NEO1: variants seen among roughly 807,000 people sequenced by gnomAD.
The protein encoded by NEO1 is neogenin 1.
NEO1 carries 63 observed loss-of-function variants against 159.7 expected under a neutral mutation model. The observed-to-expected ratio is 0.39, with a 90% CI of 0.32 to 0.49. The LOEUF (loss-of-function observed/expected upper bound fraction) is 0.49. Among genes scored for constraint, NEO1 ranks in the 20% least tolerant of loss-of-function variants. The probability of loss-of-function intolerance (pLI) is 0.85; values close to 1 mark genes in which losing one functional copy is unlikely to be tolerated. For missense variants in NEO1, 1,615 were observed against 1,831.0 expected, an observed-to-expected ratio of 0.88 and a Z score of 2.15; for synonymous variants, 633 against 662.0, an observed-to-expected ratio of 0.96 and a Z score of 0.67.
chr15:73,208,502 A>T (rs895576105), intron 7 of NEO1, among the ~76,000 whole-genome samples: 2 of 152,144 alleles, frequency 1.3e-5, no homozygotes, highest in African/African-American at 4.8e-5. Context: ...CTTATTTTAA[A>T]CTAAAATCTG....
chr15:73,223,673 T>C (rs1301714516), intron 7 of NEO1, among the ~76,000 whole-genome samples: 1 of 152,212 alleles, frequency 6.6e-6, no homozygotes, highest in Non-Finnish European at 1.5e-5. Context: ...TGAGTCCTTA[T>C]GTGTCAGGTG....
At chr15:73,062,571 GGAAA>G (rs1401749254) in intron 1 of NEO1, among the ~76,000 whole-genome samples, 1 of 152,048 alleles carries the variant, frequency 6.6e-6, no homozygotes, top group Non-Finnish European at 1.5e-5. Flanking sequence ...TCTGTTTTGA[GGAAA>G]GAAAGTTAAA....
chr15:73,211,823 C>T (rs980456014), intron 7 of NEO1, among the ~76,000 whole-genome samples: 3 of 152,214 alleles, frequency 2.0e-5, no homozygotes, highest in Non-Finnish European at 4.4e-5. Context: ...CCCCTTGAGT[C>T]TTTTGGGTCT....
chr15:73,116,742 C>T lies in NEO1; in HGVS notation c.333C>T (p.Ile111=), dbSNP rs1238679306. The part of the protein sequence containing the change: ...RQLLPDGSLF[I]SNVVHSKHNK... The stretch of plus-strand genomic sequence containing the variant: ...TTCTCCCGGATGGATCTTTATTTAT[C>T]AGCAATGTGGTGCATTCCAAACACA... Residue 111 remains isoleucine (I), a synonymous_variant, in exon 2 of 29, where the codon ATC becomes ATT. Coordinates refer to ENST00000261908, the MANE Select transcript of NEO1 (RefSeq NM_002499.4). The T allele has an allele frequency of 6.2e-7, 1 of 1,613,974 alleles. No homozygotes were observed. The highest frequency in any genetic ancestry group is 8.5e-7 in the Non-Finnish European group (1 of 1,179,928).
chr15:73,184,500 T>TA (rs2035804443), intron 7 of NEO1, among the ~76,000 whole-genome samples: 1 of 152,332 alleles, frequency 6.6e-6, no homozygotes, highest in African/African-American at 2.4e-5. Flanking sequence ...GTTGAAAAGT[T>TA]ATGTCCACAC....
At chr15:73,194,931 G>C (rs979636919) in intron 7 of NEO1, among the ~76,000 whole-genome samples, 2 of 152,172 alleles carry the variant, frequency 1.3e-5, no homozygotes, top group South Asian at 4.1e-4. Context: ...TTAATTTTGA[G>C]TTATGCTATA....
At chr15:73,253,360 G>A in intron 11 of NEO1, 40 bp from the exon 12 acceptor site, 1 of 1,380,964 alleles carries the variant, frequency 7.2e-7, no homozygotes, top group Non-Finnish European at 9.9e-7. Context: ...ATGTATGGGT[G>A]ATTAAAAAAA....
intron 7 of NEO1, among the ~76,000 whole-genome samples, chr15:73,201,814 C>T (rs926154290): frequency 5.9e-5 from 9 of 151,876 alleles, no homozygotes; most frequent in African/African-American, 2.2e-4. Context: ...TTATGTAATA[C>T]CTTCCTTTTT....
chr15:73,158,931 T>A (rs1229004655), intron 5 of NEO1, among the ~76,000 whole-genome samples: 1 of 152,188 alleles, frequency 6.6e-6, no homozygotes. Flanking sequence ...CCAGCTTTTT[T>A]GAGGTCTGCA....
At chr15:73,237,729 A>AT (rs201168760) in intron 8 of NEO1, among the ~76,000 whole-genome samples, 3,161 of 152,304 alleles carry the variant, frequency 0.021, 119 homozygotes, top group African/African-American at 0.072. Context: ...AGTTCTATAC[A>AT]TAAAAAAAGG....
intron 8 of NEO1, among the ~76,000 whole-genome samples, chr15:73,242,586 C>G (rs1363855707): frequency 6.6e-6 from 1 of 152,132 alleles, no homozygotes; most frequent in African/African-American, 2.4e-5. Context: ...ACAAGAATCC[C>G]TTGGACCCAG....
intron 5 of NEO1, among the ~76,000 whole-genome samples, chr15:73,173,935 A>G (rs2035126247): frequency 6.6e-6 from 1 of 152,060 alleles, no homozygotes; most frequent in Non-Finnish European, 1.5e-5. Flanking sequence ...CCCTGTCTCT[A>G]CTAAAAATAC....
chr15:73,113,349 CT>C (rs1361763101), intron 1 of NEO1, among the ~76,000 whole-genome samples: 10 of 152,130 alleles, frequency 6.6e-5, no homozygotes, highest in Admixed American at 6.6e-4. Flanking sequence ...TAGAAGTTAT[CT>C]GGTTATGTAA....
At chr15:73,072,506 G>A (rs1316909858) in intron 1 of NEO1, among the ~76,000 whole-genome samples, 2 of 152,142 alleles carry the variant, frequency 1.3e-5, no homozygotes, top group Non-Finnish European at 2.9e-5. Flanking sequence ...TTGAGTACAT[G>A]TTGCATGCTC....
chr15:73,114,154 T>C (rs1041713986), intron 1 of NEO1, among the ~76,000 whole-genome samples: 1 of 152,170 alleles, frequency 6.6e-6, no homozygotes, highest in African/African-American at 2.4e-5. Context: ...GCAAATGATA[T>C]TTAAGCTGAG....
At chr15:73,291,478 A>C (rs532211626) in intron 25 of NEO1, among the ~76,000 whole-genome samples, 2 of 152,100 alleles carry the variant, frequency 1.3e-5, no homozygotes, top group African/African-American at 4.8e-5. Context: ...CAACCATAAG[A>C]TCCACTTGTG....
chr15:73,266,436 C>T (rs1244011341), intron 16 of NEO1, 25 bp downstream of exon 16: 1 of 1,557,034 alleles, frequency 6.4e-7, no homozygotes. Flanking sequence ...CTTTCCTAGT[C>T]TCCAGCACTT....
At chr15:73,159,879 A>T (rs573478325) in intron 5 of NEO1, among the ~76,000 whole-genome samples, 1 of 152,196 alleles carries the variant, frequency 6.6e-6, no homozygotes, top group Non-Finnish European at 1.5e-5. Context: ...ATCAATTTAT[A>T]TCATCACCAA....
intron 26 of NEO1, among the ~76,000 whole-genome samples, chr15:73,295,146 A>ATATATATAT (rs1277362385): frequency 1.6e-4 from 22 of 140,202 alleles, no homozygotes; most frequent in Admixed American, 2.8e-4. Context: ...ATATATATGT[A>ATATATATAT]AAAATTTGGC....
Sources: allele counts gnomAD v4.1 joint callset (sites outside exome capture counted in the v4.1 genomes callset), GRCh38; gene constraint gnomAD v4.1.1; transcripts MANE v1.5; gene names NCBI Gene and HGNC (gene_info 2026-07-23, HGNC 2026-07-21).